The following RAB6A variants were observed in gnomAD, a reference collection of about 807,000 sequenced individuals.
RAB6A encodes the protein ras-related protein Rab-6A.
RAB6A carries 8 observed loss-of-function variants against 32.3 expected under a neutral mutation model. That is an observed-to-expected ratio of 0.25 (90% CI 0.15 to 0.45). RAB6A has a LOEUF of 0.45. Among genes scored for constraint, RAB6A ranks in the 20% least tolerant of loss-of-function variants. The pLI is 1.00. For synonymous variants in RAB6A, 73 were observed against 82.1 expected (o/e 0.89, Z 0.60); for missense variants, 104 against 249.4 (o/e 0.42, Z 3.93).
chr11:73,728,610 AAATAATAATAATAAT>A (rs71065031), intron 2 of RAB6A, among the ~76,000 whole-genome samples: 24 of 136,484 alleles, frequency 1.8e-4, no homozygotes, highest in African/African-American at 5.9e-4. Context: ...GTCTTTGTTT[AAATAATAATAATAAT>A]AATAATAATA....
At position 73,724,484 on chromosome 11, in the gene RAB6A, G is replaced by GTTT. The variant is rs34665371; in HGVS notation, c.130-3588_130-3586dup. Reference sequence around the variant, plus strand: ...GATCATGTTTTCCTAAATGCATTTCGTTTTTTTTTTTTTTTTTTTGAGACG... The same window carrying GTTT: ...GATCATGTTTTCCTAAATGCATTTCGTTTTTTTTTTTTTTTTTTTTTTGAGACG... On this transcript the variant is annotated intron_variant, in intron 2 of 7. Coordinates refer to ENST00000336083, the MANE Select transcript of RAB6A (RefSeq NM_198896.2). Among the ~76,000 whole-genome samples, 110 of 123,334 alleles carry GTTT rather than the reference G, an allele frequency of 8.9e-4. 2 individuals are homozygous for GTTT. Among genetic ancestry groups the GTTT allele is most frequent in the Middle Eastern group, 4.5e-3 (1 of 222 alleles). The allele number at this position is 123,334 out of a possible 152,430, so 80.9% of individuals were successfully genotyped here. A position where few individuals can be genotyped will look rare whatever the true frequency, so the allele number is the denominator to read the frequency against.
At chr11:73,724,129 C>G (rs1946181975) in intron 2 of RAB6A, among the ~76,000 whole-genome samples, 3 of 152,266 alleles carry the variant, frequency 2.0e-5, no homozygotes, top group Admixed American at 1.3e-4. Context: ...TGCATATAGG[C>G]TGCAGAAAGT....
rs558347203 is a variant in RAB6A at position 73,705,428 on chromosome 11, A to C, written c.495+1992T>G. Among the ~76,000 whole-genome samples the C allele has an allele frequency of 4.5e-4, 68 of 152,224 alleles. No homozygotes were observed. The South Asian group carries it at 0.014, about 31-fold the overall frequency. ...CCGGGAATGGTGCTGCACACCTGTA[A>C]TCCCAGCTACTGGGGAGTGTGAGGC... is the stretch of plus-strand genomic sequence containing the variant. On this transcript the variant is annotated intron_variant, in intron 6 of 7. Coordinates refer to ENST00000336083, the MANE Select transcript of RAB6A (RefSeq NM_198896.2).
At chr11:73,714,201 A>AT (rs1436744350) in intron 5 of RAB6A, among the ~76,000 whole-genome samples, 2 of 61,318 alleles carry the variant, frequency 3.3e-5, no homozygotes, top group African/African-American at 1.1e-4. Flanking sequence ...TCAAAAAAAA[A>AT]AAAAAAAAAT....
At chr11:73,678,736 T>G (rs12224676) in intron 7 of RAB6A, among the ~76,000 whole-genome samples, 78,312 of 135,196 alleles carry the variant, frequency 0.58, 22,409 homozygotes, top group Non-Finnish European at 0.66. Flanking sequence ...TTTTTTTTTT[T>G]GGGGGGGGAA....
rs182064229 is a variant in RAB6A, at chr11:73,753,600, A to T, written c.70+6966T>A. On this transcript the variant is annotated intron_variant, in intron 1 of 7. Transcript: ENST00000336083. ...GTGGCGGGCGCCTGTAGTCCCAGCT[A>T]CTCCGGAGGCTGAGGCAGGAGAATG... Among the ~76,000 whole-genome samples, 53 of 151,774 alleles carry T rather than the reference A, an allele frequency of 3.5e-4. 1 individual carries two copies. The highest frequency in any genetic ancestry group is 5.6e-4 in the Non-Finnish European group (38 of 67,888).
At chr11:73,743,562 G>A (rs1236382247) in intron 1 of RAB6A, among the ~76,000 whole-genome samples, 1 of 151,886 alleles carries the variant, frequency 6.6e-6, no homozygotes, top group Non-Finnish European at 1.5e-5. Context: ...AGGAGACTGA[G>A]GCTTCAGTGA....
chr11:73,751,482 T>C (rs1278539986), intron 1 of RAB6A, among the ~76,000 whole-genome samples: 1 of 152,104 alleles, frequency 6.6e-6, no homozygotes, highest in African/African-American at 2.4e-5. Context: ...CCCCATTGAC[T>C]TAGGAATTGT....
chr11:73,741,720 A>C (rs1216551222), intron 1 of RAB6A, among the ~76,000 whole-genome samples: 1 of 152,214 alleles, frequency 6.6e-6, no homozygotes, highest in Non-Finnish European at 1.5e-5. Context: ...GCCAGAACCT[A>C]ATGTGAACTA....
intron 5 of RAB6A, among the ~76,000 whole-genome samples, chr11:73,712,086 C>G (rs949117078): frequency 6.6e-6 from 1 of 152,084 alleles, no homozygotes; most frequent in African/African-American, 2.4e-5. Flanking sequence ...TTTAAGTAAT[C>G]AAACTTTACA....
At chr11:73,693,211 C>G (rs1268898224) in intron 6 of RAB6A, among the ~76,000 whole-genome samples, 1 of 151,984 alleles carries the variant, frequency 6.6e-6, no homozygotes, top group African/African-American at 2.4e-5. Flanking sequence ...CTGCTTGAAC[C>G]TGGGAGGCAG....
At chr11:73,710,753 A>T (rs1239332871) in intron 5 of RAB6A, among the ~76,000 whole-genome samples, 4 of 141,624 alleles carry the variant, frequency 2.8e-5, no homozygotes, top group Admixed American at 7.1e-5. Context: ...AAAAAAGTTA[A>T]TTTTTTTTTT....
At chr11:73,688,090 T>G (rs1945488522) in intron 6 of RAB6A, among the ~76,000 whole-genome samples, 1 of 152,178 alleles carries the variant, frequency 6.6e-6, no homozygotes, top group South Asian at 2.1e-4. Context: ...CTGGTCAAGT[T>G]TCTTCACTGC....
intron 3 of RAB6A, 146 bp from the exon 4 acceptor site, chr11:73,718,864 C>G: frequency 6.2e-7 from 1 of 1,613,078 alleles, no homozygotes; most frequent in Non-Finnish European, 8.5e-7. Flanking sequence ...GTTCCTGACC[C>G]GCAGTATCCC....
chr11:73,679,530 T>C, intron 7 of RAB6A, 124 bp downstream of exon 7: 2 of 1,197,690 alleles, frequency 1.7e-6, no homozygotes, highest in Non-Finnish European at 1.2e-6. Context: ...AATGAATTTC[T>C]ATGCCTTTAA....
chr11:73,704,692 T>A (rs1288551499), intron 6 of RAB6A, among the ~76,000 whole-genome samples: 1 of 128,306 alleles, frequency 7.8e-6, no homozygotes, highest in African/African-American at 3.0e-5. Flanking sequence ...TCAAAAAAAA[T>A]AAATAAATAA....
intron 3 of RAB6A, among the ~76,000 whole-genome samples, chr11:73,719,445 C>A (rs373364663): frequency 6.6e-6 from 1 of 152,240 alleles, no homozygotes; most frequent in South Asian, 2.1e-4. Context: ...AGTGTGTGCG[C>A]GCACGCATGC....
At chr11:73,760,008 T>C (rs771541294) in intron 1 of RAB6A, 113 of 1,286,126 alleles carry the variant, frequency 8.8e-5, no homozygotes, top group Non-Finnish European at 1.1e-4. Context: ...CCCACCCAGG[T>C]GAAAATCATT....
At chr11:73,690,136 T>C (rs1237910381) in intron 6 of RAB6A, among the ~76,000 whole-genome samples, 2 of 152,220 alleles carry the variant, frequency 1.3e-5, no homozygotes, top group Non-Finnish European at 2.9e-5. Context: ...ACTCTACTAT[T>C]AACTACCCCA....
Sources: allele counts gnomAD v4.1 joint callset (sites outside exome capture counted in the v4.1 genomes callset), GRCh38; gene constraint gnomAD v4.1.1; transcripts MANE v1.5; gene names NCBI Gene and HGNC (gene_info 2026-07-23, HGNC 2026-07-21).